Variants in CTNND2 observed in about 807,000 individuals in gnomAD.
CTNND2 encodes the protein catenin delta-2.
A neutral mutation model predicts 144.4 loss-of-function variants in CTNND2; 22 were observed. That is an observed-to-expected ratio of 0.15 (90% CI 0.11 to 0.22). CTNND2 has a LOEUF of 0.22. CTNND2 is among the 10% of genes least tolerant of loss of function. The pLI is 1.00. For synonymous variants in CTNND2, 751 were observed against 695.6 expected (o/e 1.08, Z -1.25); for missense variants, 1,353 against 1,618.8 (o/e 0.84, Z 2.82).
intron 12 of CTNND2, among the ~76,000 whole-genome samples, chr5:11,128,163 A>G (rs1754867996): frequency 6.6e-6 from 1 of 152,162 alleles, no homozygotes; most frequent in Non-Finnish European, 1.5e-5. Context: ...GGTGCAGCAG[A>G]AGGGATGGCA....
At chr5:11,751,260 G>T (rs1319423131) in intron 1 of CTNND2, among the ~76,000 whole-genome samples, 1 of 151,674 alleles carries the variant, frequency 6.6e-6, no homozygotes, top group East Asian at 1.9e-4. Context: ...CAGGTTCAGG[G>T]GTACATATGC....
At chr5:11,849,594 C>T (rs1326311052) in intron 1 of CTNND2, among the ~76,000 whole-genome samples, 4 of 152,090 alleles carry the variant, frequency 2.6e-5, no homozygotes, top group African/African-American at 9.7e-5. Context: ...TCTGGTGGTA[C>T]GGTTTAGGTA....
intron 1 of CTNND2, among the ~76,000 whole-genome samples, chr5:11,778,325 TGGTGCGGGGAAGAAGACA>T (rs748628736): frequency 2.7e-4 from 41 of 152,022 alleles, no homozygotes; most frequent in Non-Finnish European, 5.0e-4. Flanking sequence ...AGGGGGGCAG[TGGTGCGGGGAAGAAGACA>T]GGTGTGAGAA....
intron 2 of CTNND2, among the ~76,000 whole-genome samples, chr5:11,722,315 T>C (rs1050894755): frequency 6.6e-6 from 1 of 152,166 alleles, no homozygotes; most frequent in African/African-American, 2.4e-5. Context: ...TCTATGAAGA[T>C]TCTATTTCCC....
At chr5:11,447,293 G>A (rs1400356699) in intron 3 of CTNND2, among the ~76,000 whole-genome samples, 1 of 151,024 alleles carries the variant, frequency 6.6e-6, no homozygotes, top group Non-Finnish European at 1.5e-5. Flanking sequence ...AATGAGCTGA[G>A]ATCCTGTCAC....
At chr5:11,820,540 G>A (rs1044613046) in intron 1 of CTNND2, among the ~76,000 whole-genome samples, 2 of 152,198 alleles carry the variant, frequency 1.3e-5, no homozygotes, top group Non-Finnish European at 2.9e-5. Flanking sequence ...TATAGTCCCA[G>A]CTCACAAACT....
Position 11,851,011 on chromosome 5 carries a change from C to A in CTNND2, c.37+52806G>T, listed in dbSNP as rs143926974. 2.5e-3 allele frequency among the ~76,000 whole-genome samples: 383 copies of A among 152,284 alleles called. 2 individuals carry two copies. Among genetic ancestry groups the A allele is most frequent in the African/African-American group, 8.9e-3 (371 of 41,560 alleles). ...CATCATGTTGTGGGCCTCATCCAATCAGCTAAAGAACTTAAGAGAAAAGAC... is the reference window on the plus strand; with the variant it reads ...CATCATGTTGTGGGCCTCATCCAATAAGCTAAAGAACTTAAGAGAAAAGAC... On this transcript the variant is annotated intron_variant, in intron 1 of 21. Coordinates refer to ENST00000304623, the MANE Select transcript of CTNND2 (RefSeq NM_001332.4).
At chr5:11,771,532 T>G (rs1448005607) in intron 1 of CTNND2, among the ~76,000 whole-genome samples, 4 of 152,192 alleles carry the variant, frequency 2.6e-5, no homozygotes, top group African/African-American at 9.7e-5. Flanking sequence ...AAGGGTTTTT[T>G]TAAATGAGAG....
rs145448659 is a variant in CTNND2 at position 11,485,531 on chromosome 5, AAAAT to A, written c.288-73466_288-73463del. Among the ~76,000 whole-genome samples the A allele has an allele frequency of 6.8e-3, 1,040 of 152,354 alleles. 13 individuals are homozygous for A. The highest frequency in any genetic ancestry group is 0.024 in the African/African-American group (996 of 41,574). On this transcript the variant is annotated intron_variant, in intron 3 of 21. Coordinates refer to ENST00000304623, the MANE Select transcript of CTNND2 (RefSeq NM_001332.4). ...AAAATCAGCTATCAAAATATACTCTAAAATAAATAGCCTGTTAGTAGTACAGATA... is the reference window on the plus strand; with the variant it reads ...AAAATCAGCTATCAAAATATACTCTAAAATAGCCTGTTAGTAGTACAGATA...
At chr5:11,476,259 G>A (rs1444360719) in intron 3 of CTNND2, among the ~76,000 whole-genome samples, 1 of 152,110 alleles carries the variant, frequency 6.6e-6, no homozygotes, top group Non-Finnish European at 1.5e-5. Flanking sequence ...ACCTCCGAGT[G>A]TCTTTAAATT....
At chr5:11,888,627 T>C (rs1205345118) in intron 1 of CTNND2, among the ~76,000 whole-genome samples, 6 of 152,148 alleles carry the variant, frequency 3.9e-5, no homozygotes, top group Non-Finnish European at 8.8e-5. Flanking sequence ...ATAATTAGAA[T>C]AGTTATTTTT....
chr5:11,706,275 C>T (rs962149702), intron 2 of CTNND2, among the ~76,000 whole-genome samples: 1 of 152,150 alleles, frequency 6.6e-6, no homozygotes, highest in Non-Finnish European at 1.5e-5. Context: ...TAAAAGTGTG[C>T]TTTTTTAGGC....
At chr5:11,888,621 T>C (rs201044122) in intron 1 of CTNND2, among the ~76,000 whole-genome samples, 1 of 152,112 alleles carries the variant, frequency 6.6e-6, no homozygotes. Context: ...GTGAAAATAA[T>C]TAGAATAGTT....
intron 18 of CTNND2, among the ~76,000 whole-genome samples, chr5:11,011,881 G>A (rs531706905): frequency 6.6e-6 from 1 of 152,174 alleles, no homozygotes; most frequent in South Asian, 2.1e-4. Flanking sequence ...TGGGAGAAAG[G>A]AGAAAGACCG....
chr5:11,447,333 T>G (rs1327803161), intron 3 of CTNND2, among the ~76,000 whole-genome samples: 1 of 146,016 alleles, frequency 6.8e-6, no homozygotes, highest in Non-Finnish European at 1.5e-5. Context: ...CAGAGGGAGA[T>G]GCCGTTTACA....
chr5:11,497,608 G>A (rs1428250619), intron 3 of CTNND2, among the ~76,000 whole-genome samples: 1 of 149,230 alleles, frequency 6.7e-6, no homozygotes. Context: ...GATACTATAA[G>A]GGAGTGGAGA....
intron 12 of CTNND2, among the ~76,000 whole-genome samples, chr5:11,140,425 G>A (rs779208309): frequency 1.3e-5 from 2 of 152,214 alleles, no homozygotes; most frequent in Non-Finnish European, 2.9e-5. Flanking sequence ...GGAATGCAAT[G>A]CTATCTGATT....
intron 9 of CTNND2, among the ~76,000 whole-genome samples, chr5:11,338,808 A>G (rs1437192091): frequency 6.6e-6 from 1 of 152,232 alleles, no homozygotes; most frequent in East Asian, 1.9e-4. Context: ...TAAACTGATA[A>G]AAGAACTCTT....
intron 3 of CTNND2, among the ~76,000 whole-genome samples, chr5:11,460,073 C>T (rs1217570512): frequency 2.6e-5 from 4 of 152,150 alleles, no homozygotes; most frequent in Non-Finnish European, 4.4e-5. Flanking sequence ...GGAAAGAGTT[C>T]TTAAACCCCT....
Sources: allele counts gnomAD v4.1 joint callset (sites outside exome capture counted in the v4.1 genomes callset), GRCh38; gene constraint gnomAD v4.1.1; transcripts MANE v1.5; gene names NCBI Gene and HGNC (gene_info 2026-07-23, HGNC 2026-07-21).